LMBRD1: variants seen among roughly 807,000 people sequenced by gnomAD.
LMBRD1 encodes LMBR1 domain containing 1.
In LMBRD1, 64 loss-of-function variants were observed where a neutral mutation model predicts 74.8. That is an observed-to-expected ratio of 0.86 (90% CI 0.70 to 1.05). The LOEUF is 1.05. LMBRD1 is among the 50% of genes least tolerant of loss of function. The probability of loss-of-function intolerance (pLI) is 0.00; values close to 1 mark genes in which losing one functional copy is unlikely to be tolerated. For synonymous variants in LMBRD1, 204 were observed against 216.3 expected, an observed-to-expected ratio of 0.94 and a Z score of 0.50; for missense variants, 652 against 645.9, an observed-to-expected ratio of 1.01 and a Z score of -0.10.
intron 1 of LMBRD1, among the ~76,000 whole-genome samples, chr6:69,795,219 CACG>C (rs1442161312): frequency 2.0e-5 from 3 of 152,192 alleles, no homozygotes; most frequent in Non-Finnish European, 4.4e-5. Context: ...TGCTTTTATC[CACG>C]ACAACATTCA....
At chr6:69,792,633 C>G (rs1270749805) in intron 1 of LMBRD1, among the ~76,000 whole-genome samples, 3 of 152,136 alleles carry the variant, frequency 2.0e-5, no homozygotes, top group African/African-American at 7.2e-5. Context: ...TAAAATGTGA[C>G]TTTGTATTAA....
rs1478525604 is a variant in LMBRD1, at chr6:69,676,568, T to A, written c.1418-27A>T. ...TGTGAAAGCAAATAAAAGACTATGG[T>A]GAGATAGGTTCTTTCATAAAATTGA... On this transcript the variant is annotated intron_variant, in intron 14 of 15. Transcript: ENST00000649934. The A allele has an allele frequency of 7.3e-6, 11 of 1,501,470 alleles. No individual in the cohort carries two copies. The South Asian group carries it at 1.1e-4, about 15-fold the overall frequency. 93.0% of individuals were successfully genotyped at this position (1,501,470 alleles called of 1,614,324 possible). A position where few individuals can be genotyped will look rare whatever the true frequency, so the allele number is the denominator to read the frequency against.
intron 4 of LMBRD1, among the ~76,000 whole-genome samples, chr6:69,752,002 G>T (rs575231987): frequency 6.6e-6 from 1 of 152,122 alleles, no homozygotes; most frequent in Non-Finnish European, 1.5e-5. Context: ...AAATTTCAAA[G>T]ACTTAGTGTG....
intron 3 of LMBRD1, among the ~76,000 whole-genome samples, chr6:69,753,897 C>T (rs957111565): frequency 2.0e-5 from 3 of 151,126 alleles, no homozygotes; most frequent in East Asian, 1.9e-4. Context: ...GCCGAGATCG[C>T]GCCACTGCAC....
chr6:69,739,879 G>A (rs557735897), intron 6 of LMBRD1, among the ~76,000 whole-genome samples: 2 of 152,310 alleles, frequency 1.3e-5, no homozygotes, highest in East Asian at 1.9e-4. Flanking sequence ...AGGCCAAGGT[G>A]GGCGGATCAC....
intron 6 of LMBRD1, among the ~76,000 whole-genome samples, chr6:69,739,400 T>C (rs1057002449): frequency 1.3e-5 from 2 of 150,090 alleles, no homozygotes; most frequent in African/African-American, 4.9e-5. Context: ...GTCTATGATC[T>C]GGCTGCATAT....
intron 9 of LMBRD1, 22 bp from the exon 10 acceptor site, chr6:69,701,975 T>C: frequency 7.0e-7 from 1 of 1,423,926 alleles, no homozygotes; most frequent in South Asian, 1.2e-5. Context: ...AATATATTCA[T>C]TAAAATATAG....
chr6:69,737,051 G>A (rs1270504802), intron 7 of LMBRD1, among the ~76,000 whole-genome samples: 1 of 152,042 alleles, frequency 6.6e-6, no homozygotes, highest in African/African-American at 2.4e-5. Context: ...ATACATTATG[G>A]CACGTGAATG....
chr6:69,682,128 T>C (rs1765676181), intron 14 of LMBRD1, among the ~76,000 whole-genome samples: 2 of 151,620 alleles, frequency 1.3e-5, no homozygotes, highest in Admixed American at 6.6e-5. Context: ...TCCAAATAAA[T>C]GGGAAGGCAG....
chr6:69,683,505 T>C (rs758968802), intron 14 of LMBRD1, among the ~76,000 whole-genome samples: 1 of 152,106 alleles, frequency 6.6e-6, no homozygotes, highest in Non-Finnish European at 1.5e-5. Flanking sequence ...GACCAAAGTA[T>C]GGCACTTCTT....
At chr6:69,701,745 C>G in intron 10 of LMBRD1, 144 bp downstream of exon 10, 2 of 697,336 alleles carry the variant, frequency 2.9e-6, no homozygotes, top group South Asian at 3.6e-5. Context: ...ACGTTTTAGC[C>G]ATTCTTTGAG....
intron 7 of LMBRD1, 117 bp downstream of exon 7, chr6:69,737,825 A>T (rs1767007825): frequency 1.3e-6 from 1 of 776,488 alleles, no homozygotes; most frequent in African/African-American, 1.8e-5. Flanking sequence ...AACTGAAGAA[A>T]AATTGAAAAA....
chr6:69,737,592 T>C (rs942549326), intron 7 of LMBRD1, among the ~76,000 whole-genome samples: 4 of 150,174 alleles, frequency 2.7e-5, no homozygotes, highest in African/African-American at 7.3e-5. Flanking sequence ...TATATGCTTA[T>C]ATTATAAATC....
At chr6:69,691,781 C>T (rs1765885137) in intron 14 of LMBRD1, among the ~76,000 whole-genome samples, 1 of 146,656 alleles carries the variant, frequency 6.8e-6, no homozygotes, top group Non-Finnish European at 1.5e-5. Context: ...GAGGCTGAGG[C>T]AGGAGAATGG....
chr6:69,744,126 A>C (rs1442926666), intron 5 of LMBRD1, among the ~76,000 whole-genome samples: 2 of 152,240 alleles, frequency 1.3e-5, no homozygotes, highest in East Asian at 3.8e-4. Context: ...AAAGTATACT[A>C]AATGAAATGG....
intron 13 of LMBRD1, 87 bp from the exon 14 acceptor site, chr6:69,697,728 T>G: frequency 1.3e-6 from 1 of 750,622 alleles, no homozygotes; most frequent in Non-Finnish European, 2.3e-6. Context: ...AACTGTATAC[T>G]CTGTATACTA....
chr6:69,704,228 T>A (rs1278000201), intron 9 of LMBRD1, among the ~76,000 whole-genome samples: 2 of 152,106 alleles, frequency 1.3e-5, no homozygotes, highest in Non-Finnish European at 2.9e-5. Context: ...AAAATCTTGT[T>A]CTCACCAAAC....
chr6:69,770,609 T>C lies in LMBRD1; in HGVS notation c.307+9885A>G, dbSNP rs1388514077. 1.3e-5 allele frequency among the ~76,000 whole-genome samples: 2 copies of C among 152,170 alleles called. 1 individual carries two copies. The highest frequency in any genetic ancestry group is 4.8e-5 in the African/African-American group (2 of 41,440). On this transcript the variant is annotated intron_variant, in intron 3 of 15. Transcript: ENST00000649934. The stretch of plus-strand genomic sequence containing the variant: ...ACAAAGTAAGAAATTCAAGTGAGTT[T>C]CCCTAAATTACATAGAAAATAAAAA...
intron 3 of LMBRD1, among the ~76,000 whole-genome samples, chr6:69,758,395 G>A (rs537352504): frequency 9.9e-5 from 15 of 152,234 alleles, no homozygotes; most frequent in Non-Finnish European, 1.9e-4. Flanking sequence ...CTCCTGAGTC[G>A]AGACTGATAG....
Sources: gnomAD v4.1 joint callset for allele counts (sites outside exome capture counted in the v4.1 genomes callset) on GRCh38, gnomAD v4.1.1 for gene constraint, MANE v1.5 for transcripts, NCBI Gene and HGNC (gene_info 2026-07-23, HGNC 2026-07-21) for gene names.